The following LYZL1 variants were observed in gnomAD, a reference collection of about 807,000 sequenced individuals.
The protein encoded by LYZL1 is lysozyme-like protein 1.
LYZL1 carries 16 observed loss-of-function variants against 17.9 expected under a neutral mutation model. That is an observed-to-expected ratio of 0.90 (90% CI 0.61 to 1.36). The LOEUF (loss-of-function observed/expected upper bound fraction) is 1.36, where lower values mean the gene tolerates loss of function less well. Ranked by LOEUF, LYZL1 falls within the 40% of genes most tolerant of loss-of-function variation. LYZL1 has a pLI of 0.00. For missense variants in LYZL1, 149 were observed against 188.4 expected (o/e 0.79, Z 1.22); for synonymous variants, 58 against 71.8 (o/e 0.81, Z 0.97).
At chr10:29,294,849 A>C (rs964172600) in intron 3 of LYZL1, among the ~76,000 whole-genome samples, 1 of 152,226 alleles carries the variant, frequency 6.6e-6, no homozygotes, top group Non-Finnish European at 1.5e-5. Context: ...GTACATAGAT[A>C]CCAATGACAA....
At chr10:29,314,891 G>A (rs182604606), downstream of LYZL1, among the ~76,000 whole-genome samples, 10 of 152,262 alleles carry the variant, frequency 6.6e-5, no homozygotes, top group Admixed American at 4.6e-4. Context: ...GCTGCCCTGC[G>A]GGGATCTTCA....
At chr10:29,303,279 A>G (rs1835546221) in intron 3 of LYZL1, among the ~76,000 whole-genome samples, 1 of 152,066 alleles carries the variant, frequency 6.6e-6, no homozygotes, top group South Asian at 2.1e-4. Flanking sequence ...TCCTCCTCTT[A>G]GATGGCCATC....
intron 1 of LYZL1, among the ~76,000 whole-genome samples, chr10:29,290,621 ACAAGGT>A (rs1835349486): frequency 1.3e-5 from 2 of 152,198 alleles, no homozygotes; most frequent in Admixed American, 6.5e-5. Context: ...TGGGCAGATC[ACAAGGT>A]CAGGAGTTTG....
intron 3 of LYZL1, among the ~76,000 whole-genome samples, chr10:29,316,861 C>T (rs950696008): frequency 1.4e-4 from 21 of 152,034 alleles, no homozygotes; most frequent in African/African-American, 4.8e-4. Flanking sequence ...GGACTACAGG[C>T]GTGAGCCACC....
intron 2 of LYZL1, 99 bp from the exon 3 acceptor site, chr10:29,292,420 A>G: frequency 3.9e-6 from 6 of 1,527,336 alleles, no homozygotes; most frequent in Non-Finnish European, 4.4e-6. Flanking sequence ...ATTGGGAGGA[A>G]GCAGTCAGGT....
In LYZL1 at chr10:29,293,973, CA is replaced by C. The variant is rs112559520; in HGVS notation, c.298+1307del. ...TGGGTGACAGAGAAAGACTCTGTCT[CA>C]AAAAAAAAAAGAAAGAAAAAAAGAA... On this transcript the variant is annotated intron_variant, in intron 3 of 4. Transcript: ENST00000649382. 1.8e-3 allele frequency among the ~76,000 whole-genome samples: 228 copies of C among 123,796 alleles called. 2 individuals carry two copies. The highest frequency in any genetic ancestry group is 4.8e-3 in the African/African-American group (161 of 33,286). The allele number at this position is 123,796 out of a possible 152,430, so 81.2% of individuals were successfully genotyped here. A position where few individuals can be genotyped will look rare whatever the true frequency, so the allele number is the denominator to read the frequency against.
downstream of LYZL1, among the ~76,000 whole-genome samples, chr10:29,314,470 T>C (rs1208817038): frequency 6.6e-6 from 1 of 152,132 alleles, no homozygotes; most frequent in African/African-American, 2.4e-5. Flanking sequence ...AAAGATTAGC[T>C]GCGTGTGGTG....
chr10:29,309,328 C>CACAAAA (rs879487469), intron 3 of LYZL1, among the ~76,000 whole-genome samples: 59 of 151,912 alleles, frequency 3.9e-4, no homozygotes, highest in Middle Eastern at 6.8e-3. Flanking sequence ...GATTCTGTCT[C>CACAAAA]ACAAAAACAA....
chr10:29,306,926 C>G (rs1835604779), intron 3 of LYZL1, among the ~76,000 whole-genome samples: 1 of 151,846 alleles, frequency 6.6e-6, no homozygotes, highest in Non-Finnish European at 1.5e-5. Flanking sequence ...GCAATCTCAG[C>G]TTACTGCAAC....
In LYZL1 at chr10:29,296,914, G is replaced by T. The variant is rs1588658732; in HGVS notation, c.298+4237G>T. ...GAGAGCCAAGGCTCACCAGACTTCAGAGGAGTAGCAGTGACATGAAAAAAA... is the reference window on the plus strand; with the variant it reads ...GAGAGCCAAGGCTCACCAGACTTCATAGGAGTAGCAGTGACATGAAAAAAA... On this transcript the variant is annotated intron_variant, in intron 3 of 4. Coordinates refer to ENST00000649382, the MANE Select transcript of LYZL1 (RefSeq NM_032517.6). Among the ~76,000 whole-genome samples the T allele has an allele frequency of 5.9e-5, 9 of 152,196 alleles. No individual in the cohort carries two copies. In the South Asian group the frequency reaches 1.9e-3, roughly 32 times the overall value.
At chr10:29,301,594 A>G (rs1158271080) in intron 3 of LYZL1, among the ~76,000 whole-genome samples, 1 of 152,098 alleles carries the variant, frequency 6.6e-6, no homozygotes, top group Non-Finnish European at 1.5e-5. Flanking sequence ...TGTCTTTTTT[A>G]TCTAGTCATT....
At chr10:29,310,236 G>C in intron 4 of LYZL1, 48 bp downstream of exon 4, 1 of 1,383,460 alleles carries the variant, frequency 7.2e-7, no homozygotes, top group East Asian at 2.3e-5. Flanking sequence ...GCAAAACCTA[G>C]TGTGTGTATT....
At chr10:29,302,554 A>C (rs1355445102) in intron 3 of LYZL1, among the ~76,000 whole-genome samples, 1 of 152,204 alleles carries the variant, frequency 6.6e-6, no homozygotes, top group East Asian at 1.9e-4. Flanking sequence ...CATATGTCGC[A>C]TGTCTCATTA....
intron 3 of LYZL1, among the ~76,000 whole-genome samples, chr10:29,302,000 C>A (rs548490838): frequency 1.3e-5 from 2 of 151,868 alleles, no homozygotes; most frequent in Non-Finnish European, 2.9e-5. Flanking sequence ...GGCAAACTTT[C>A]GTATCTCTCA....
chr10:29,312,849 A>C (rs1377589805), downstream of LYZL1, among the ~76,000 whole-genome samples: 1 of 152,200 alleles, frequency 6.6e-6, no homozygotes, highest in African/African-American at 2.4e-5. Flanking sequence ...AGGTGAAGGT[A>C]GTAGGCTCAT....
downstream of LYZL1, among the ~76,000 whole-genome samples, chr10:29,312,611 G>A (rs765097402): frequency 5.9e-5 from 9 of 152,164 alleles, no homozygotes; most frequent in Non-Finnish European, 8.8e-5. Flanking sequence ...CTAGGAACTT[G>A]GTGACCCTCT....
chr10:29,289,518 A>C (rs1357330394), intron 1 of LYZL1, among the ~76,000 whole-genome samples: 1 of 150,630 alleles, frequency 6.6e-6, no homozygotes, highest in African/African-American at 2.5e-5. Flanking sequence ...TCCCAGCCTC[A>C]AGTGATCCTC....
chr10:29,309,733 G>T (rs7099693), intron 3 of LYZL1, among the ~76,000 whole-genome samples: 63,720 of 151,988 alleles, frequency 0.42, 14,377 homozygotes, highest in African/African-American at 0.6. Flanking sequence ...TGGCCTCAAG[G>T]GATGCTCCCA....
At chr10:29,313,911 A>G (rs1170315521), downstream of LYZL1, among the ~76,000 whole-genome samples, 1 of 152,204 alleles carries the variant, frequency 6.6e-6, no homozygotes, top group African/African-American at 2.4e-5. Flanking sequence ...TTATGTGGGT[A>G]CATTCTTTCT....
Sources: allele counts gnomAD v4.1 joint callset (sites outside exome capture counted in the v4.1 genomes callset), GRCh38; gene constraint gnomAD v4.1.1; transcripts MANE v1.5; gene names NCBI Gene and HGNC (gene_info 2026-07-23, HGNC 2026-07-21).